The following SLF1 variants were observed in gnomAD, a reference collection of about 807,000 sequenced individuals.
SLF1 encodes SMC5-SMC6 complex localization factor protein 1.
In SLF1, 105 loss-of-function variants were observed where a neutral mutation model predicts 123.0. The ratio of observed to expected loss-of-function variants is 0.85; its 90% CI spans 0.73 to 1.00. The LOEUF (loss-of-function observed/expected upper bound fraction) is 1.00. Ranked by LOEUF, SLF1 falls within the 50% of genes least tolerant of loss-of-function variation. The pLI is 0.00. For missense variants in SLF1, 1,239 were observed against 1,223.0 expected, an observed-to-expected ratio of 1.01 and a Z score of -0.20; for synonymous variants, 434 against 406.6, an observed-to-expected ratio of 1.07 and a Z score of -0.81.
intron 4 of SLF1, among the ~76,000 whole-genome samples, chr5:94,641,708 G>A (rs1746467568): frequency 6.6e-6 from 1 of 152,136 alleles, no homozygotes; most frequent in African/African-American, 2.4e-5. Flanking sequence ...CTCAGCTTCA[G>A]GTCGAGGGTG....
rs1750387256 is a variant in SLF1 at position 94,671,106 on chromosome 5, C to T, written c.1827+98C>T. The T allele has an allele frequency of 3.3e-6, 3 of 905,766 alleles. No homozygotes were observed. The Admixed American group carries it at 9.4e-5, about 28-fold the overall frequency. The allele number at this position is 905,766 out of a possible 1,614,324, so 56.1% of individuals were successfully genotyped here. Reference sequence around the variant, plus strand: ...CTTTATTCTTTGGATCACTCGAAAACAATTAAAATGTACCCAAATATATCA... The same window carrying T: ...CTTTATTCTTTGGATCACTCGAAAATAATTAAAATGTACCCAAATATATCA... On this transcript the variant is annotated intron_variant, in intron 14 of 20. Transcript: ENST00000265140.
At chr5:94,627,587 T>TAC (rs1744621548) in intron 1 of SLF1, among the ~76,000 whole-genome samples, 1 of 70,716 alleles carries the variant, frequency 1.4e-5, no homozygotes, top group Non-Finnish European at 2.6e-5. Flanking sequence ...GAAATTAACA[T>TAC]ATATATATAT....
chr5:94,646,776 A>G (rs1313748665), intron 5 of SLF1, among the ~76,000 whole-genome samples: 1 of 152,194 alleles, frequency 6.6e-6, no homozygotes, highest in Non-Finnish European at 1.5e-5. Flanking sequence ...ACCATAGGAA[A>G]GTCATTTCTT....
At chr5:94,630,451 C>T in intron 3 of SLF1, 52 bp from the exon 4 acceptor site, 2 of 1,505,508 alleles carry the variant, frequency 1.3e-6, no homozygotes, top group Non-Finnish European at 8.9e-7. Flanking sequence ...TATTGTTTAT[C>T]ATTTATCAGA....
At chr5:94,685,475 TTTCA>T (rs1752310140) in intron 15 of SLF1, among the ~76,000 whole-genome samples, 1 of 152,182 alleles carries the variant, frequency 6.6e-6, no homozygotes, top group Admixed American at 6.5e-5. Context: ...TTATTTATTC[TTTCA>T]TTATCATTTT....
chr5:94,629,999 G>C (rs1347643917), intron 3 of SLF1, among the ~76,000 whole-genome samples: 1 of 152,014 alleles, frequency 6.6e-6, no homozygotes, highest in South Asian at 2.1e-4. Context: ...AAAAAGAGTT[G>C]TTATAAAATG....
chr5:94,630,602 A>C lies in SLF1; in HGVS notation c.290A>C (p.Asp97Ala). ...TYEWGYKIEK[D>A]SRYSPQMQSA... Reference sequence around the variant, plus strand: ...GAATGGGGATATAAAATTGAAAAAGATTCCCGTTATTCACCTCAAATGCAA... The same window carrying C: ...GAATGGGGATATAAAATTGAAAAAGCTTCCCGTTATTCACCTCAAATGCAA... Residue 97 changes from aspartate (D) to alanine (A), a missense_variant, in exon 4 of 21, where the codon GAT becomes GCT. Asp to Ala is a moderately radical substitution (Grantham distance 126, BLOSUM62 -2). Transcript: ENST00000265140. The C allele has an allele frequency of 6.4e-7, 1 of 1,551,706 alleles. No homozygotes were observed. The highest frequency in any genetic ancestry group is 1.2e-5 in the South Asian group (1 of 84,064).
In SLF1 at chr5:94,686,826, C is replaced by T. The variant is rs550967223; in HGVS notation, c.2121+108C>T. On this transcript the variant is annotated intron_variant, in intron 16 of 20. Coordinates refer to ENST00000265140, the MANE Select transcript of SLF1 (RefSeq NM_032290.4). ...ATTTTGAGATGGAGGCTTGCTCTGT[C>T]GCCCAGGCTGGAGTGCAGTGGCGCA... is the stretch of plus-strand genomic sequence containing the variant. 1.5e-5 allele frequency: 20 copies of T among 1,294,642 alleles called. No homozygotes were observed. In the East Asian group the frequency reaches 2.1e-4, roughly 14 times the overall value. 80.2% of individuals were successfully genotyped at this position (1,294,642 alleles called of 1,614,324 possible).
At chr5:94,637,373 G>A (rs1221849513) in intron 4 of SLF1, among the ~76,000 whole-genome samples, 1 of 152,146 alleles carries the variant, frequency 6.6e-6, no homozygotes, top group African/African-American at 2.4e-5. Flanking sequence ...GCTGGGCTCT[G>A]CTGTTAGATA....
At chr5:94,659,209 T>A (rs1164093748) in intron 9 of SLF1, among the ~76,000 whole-genome samples, 1 of 152,176 alleles carries the variant, frequency 6.6e-6, no homozygotes, top group Non-Finnish European at 1.5e-5. Flanking sequence ...ATTATCTCTT[T>A]GTTGAATTTC....
chr5:94,657,987 T>A (rs1354174363), intron 9 of SLF1, among the ~76,000 whole-genome samples: 1 of 152,092 alleles, frequency 6.6e-6, no homozygotes, highest in Non-Finnish European at 1.5e-5. Flanking sequence ...TTTTAATACA[T>A]GTAGCCAGTC....
chr5:94,643,925 T>G (rs2152474794), intron 5 of SLF1, among the ~76,000 whole-genome samples: 1 of 152,208 alleles, frequency 6.6e-6, no homozygotes, highest in East Asian at 1.9e-4. Flanking sequence ...AAGAGAACCC[T>G]TAGTATGTCC....
upstream of SLF1, chr5:94,618,293 G>C (rs1791135739): frequency 6.6e-6 from 1 of 152,256 alleles, no homozygotes; most frequent in Non-Finnish European, 1.5e-5. Flanking sequence ...CCAAGTCGGA[G>C]ACAGATTTTG....
In SLF1 at chr5:94,689,460, C is replaced by A; in HGVS notation, c.2286-13C>A. 1 of 1,600,018 alleles carries A rather than the reference C, an allele frequency of 6.2e-7. No homozygotes were observed. Among genetic ancestry groups the A allele is most frequent in the South Asian group, 1.1e-5 (1 of 87,808 alleles). On this transcript the variant is annotated splice_polypyrimidine_tract_variant and intron_variant, in intron 17 of 20. Transcript: ENST00000265140. The stretch of plus-strand genomic sequence containing the variant: ...AAAAACAAGCTTTCATTATTTCTTA[C>A]TTTTCCTTTCAGAGACCTGAACCTT...
intron 4 of SLF1, among the ~76,000 whole-genome samples, chr5:94,635,272 C>T (rs1243677472): frequency 2.7e-5 from 4 of 150,816 alleles, no homozygotes; most frequent in African/African-American, 9.8e-5. Context: ...CTTTTCCATC[C>T]CTTCATTTTC....
chr5:94,658,869 T>C (rs1413592579), intron 9 of SLF1, among the ~76,000 whole-genome samples: 3 of 151,246 alleles, frequency 2.0e-5, no homozygotes, highest in Admixed American at 2.0e-4. Context: ...AGAAATAGTT[T>C]CTTTTGCTTG....
intron 4 of SLF1, among the ~76,000 whole-genome samples, chr5:94,640,037 G>A (rs1390734883): frequency 1.3e-5 from 2 of 152,120 alleles, no homozygotes; most frequent in African/African-American, 4.8e-5. Flanking sequence ...CTTTTAAGAT[G>A]ATTAAAAATA....
intron 4 of SLF1, among the ~76,000 whole-genome samples, chr5:94,643,032 GCCTTT>G (rs563756911): frequency 1.5e-3 from 226 of 152,108 alleles, no homozygotes; most frequent in African/African-American, 5.2e-3. Flanking sequence ...GTCCCTAAAA[GCCTTT>G]CCTTTATCAA....
rs767761138 is a variant in SLF1 at position 94,629,116 on chromosome 5, A to G, written c.139A>G (p.Ile47Val). The G allele has an allele frequency of 6.5e-7, 1 of 1,549,022 alleles. No homozygotes were observed. Among genetic ancestry groups the G allele is most frequent in the South Asian group, 1.2e-5 (1 of 83,196 alleles). The change falls in exon 3 of 21, where the codon ATA (isoleucine) becomes GTA (valine). Residue 47 changes from isoleucine to valine, a missense_variant. Coordinates refer to ENST00000265140, the MANE Select transcript of SLF1 (RefSeq NM_032290.4). ...SEKYKNCTHL[I>V]AERLCKSEKF... Reference sequence around the variant, plus strand: ...GAAATACAAAAATTGTACACATCTTATAGCTGAACGCCTATGTAAGAGTGA... The same window carrying G: ...GAAATACAAAAATTGTACACATCTTGTAGCTGAACGCCTATGTAAGAGTGA...
Sources: allele counts gnomAD v4.1 joint callset (sites outside exome capture counted in the v4.1 genomes callset), GRCh38; gene constraint gnomAD v4.1.1; transcripts MANE v1.5; gene names NCBI Gene and HGNC (gene_info 2026-07-23, HGNC 2026-07-21).